LEPROTL1: variants seen among roughly 807,000 people sequenced by gnomAD.
The protein encoded by LEPROTL1 is leptin receptor overlapping transcript like 1.
Under a neutral mutation model 15.4 loss-of-function variants are expected in LEPROTL1, and 6 were observed. The observed-to-expected ratio is 0.39, with a 90% CI of 0.21 to 0.77. LEPROTL1 has a LOEUF of 0.77. LEPROTL1 is among the 30% of genes least tolerant of loss of function. LEPROTL1 has a pLI of 0.41. For missense variants in LEPROTL1, 128 were observed against 158.1 expected (o/e 0.81, Z 1.02); for synonymous variants, 56 against 52.6 (o/e 1.06, Z -0.28).
At chr8:30,123,950 G>A (rs917316022) in intron 3 of LEPROTL1, among the ~76,000 whole-genome samples, 1 of 150,720 alleles carries the variant, frequency 6.6e-6, no homozygotes, top group African/African-American at 2.4e-5. Context: ...AGAAGGACAA[G>A]CAATTTCAAA....
chr8:30,119,619 C>A (rs956160421), intron 3 of LEPROTL1, among the ~76,000 whole-genome samples: 1 of 152,158 alleles, frequency 6.6e-6, no homozygotes, highest in Non-Finnish European at 1.5e-5. Context: ...TTAATTACAT[C>A]TTTAAAGCCC....
chr8:30,137,259 T>G lies in LEPROTL1; in HGVS notation c.395-13T>G, dbSNP rs1324040663. On this transcript the variant is annotated splice_polypyrimidine_tract_variant and intron_variant, in intron 4 of 4. Coordinates refer to the LEPROTL1 transcript ENST00000442880. ...CTCTAGACTGTAATTAGCTCTTGAT[T>G]TCTGTTTTCTAGATGGGGCGCCTAC... 12 of 1,545,238 alleles carry G rather than the reference T, an allele frequency of 7.8e-6. No homozygotes were observed. In the African/African-American group the frequency reaches 1.6e-4, roughly 21 times the overall value.
In LEPROTL1 at chr8:30,131,082, C is replaced by T. The variant is rs992173509; in HGVS notation, c.280-1293C>T. Among the ~76,000 whole-genome samples the T allele has an allele frequency of 5.0e-4, 76 of 151,794 alleles. 3 individuals are homozygous for T. The highest frequency in any genetic ancestry group is 7.2e-4 in the Admixed American group (11 of 15,202). On this transcript the variant is annotated intron_variant, in intron 3 of 4. Transcript: ENST00000442880. ...GTGCTGGGATTACAGGTGTGAGCCACAACGCCCGGCCCAAAAAATTTTTTT... is the reference window on the plus strand; with the variant it reads ...GTGCTGGGATTACAGGTGTGAGCCATAACGCCCGGCCCAAAAAATTTTTTT...
chr8:30,116,240 A>T (rs1376455007), intron 3 of LEPROTL1, among the ~76,000 whole-genome samples: 1 of 144,216 alleles, frequency 6.9e-6, no homozygotes, highest in Non-Finnish European at 1.5e-5. Context: ...ACCCTGTCTT[A>T]AAAAAAAAAA....
chr8:30,108,984 C>T (rs1040536882), downstream of LEPROTL1, among the ~76,000 whole-genome samples: 3 of 152,090 alleles, frequency 2.0e-5, no homozygotes, highest in Admixed American at 1.3e-4. Context: ...ACGCTGGTCT[C>T]AAACTCCTGG....
At chr8:30,105,147 G>A (rs1406234527) in intron 3 of LEPROTL1, 1 of 152,398 alleles carries the variant, frequency 6.6e-6, no homozygotes, top group African/African-American at 2.4e-5. Context: ...GAAAAGCACT[G>A]AAGAGGGGAA....
intron 4 of LEPROTL1, among the ~76,000 whole-genome samples, chr8:30,135,994 G>T (rs975128070): frequency 6.6e-6 from 1 of 151,414 alleles, no homozygotes; most frequent in African/African-American, 2.4e-5. Flanking sequence ...GAAAACAACA[G>T]TCTTCTAACT....
At chr8:30,122,539 C>T (rs1802844986) in intron 3 of LEPROTL1, among the ~76,000 whole-genome samples, 1 of 152,130 alleles carries the variant, frequency 6.6e-6, no homozygotes, top group African/African-American at 2.4e-5. Context: ...GCCTGTAATC[C>T]CAACACTTTG....
At chr8:30,104,587 A>G (rs946519259) in intron 3 of LEPROTL1, 101 bp downstream of exon 3, 1 of 654,440 alleles carries the variant, frequency 1.5e-6, no homozygotes, top group Non-Finnish European at 2.5e-6. Flanking sequence ...GGTGAAAGAC[A>G]TAAGAGCCTA....
At chr8:30,133,310 C>T (rs1040311284) in intron 4 of LEPROTL1, among the ~76,000 whole-genome samples, 7 of 152,020 alleles carry the variant, frequency 4.6e-5, no homozygotes, top group African/African-American at 1.4e-4. Flanking sequence ...ATGAAATTAG[C>T]GTAAAAAATC....
chr8:30,095,634 T>C, intron 1 of LEPROTL1, 106 bp downstream of exon 1: 1 of 949,866 alleles, frequency 1.1e-6, no homozygotes, highest in South Asian at 2.5e-5. Flanking sequence ...CGCGCGCGCG[T>C]GGGGTCCCTG....
chr8:30,095,630 C>T (rs748708386), intron 1 of LEPROTL1, 102 bp downstream of exon 1: 1 of 999,144 alleles, frequency 1.0e-6, no homozygotes, highest in Non-Finnish European at 1.3e-6. Flanking sequence ...CTCGCGCGCG[C>T]GCGTGGGGTC....
downstream of LEPROTL1, chr8:30,138,233 C>A (rs764212364): frequency 4.0e-6 from 1 of 248,820 alleles, no homozygotes; most frequent in Non-Finnish European, 7.9e-6. Flanking sequence ...ACAGCCAGCT[C>A]TCTGTGAATT....
At chr8:30,104,051 A>G (rs1481938111) in intron 2 of LEPROTL1, among the ~76,000 whole-genome samples, 1 of 152,090 alleles carries the variant, frequency 6.6e-6, no homozygotes, top group African/African-American at 2.4e-5. Context: ...ATCTATTTTT[A>G]TTGTGATAAA....
In LEPROTL1 at chr8:30,095,524, CA is replaced by C; in HGVS notation, c.15del (p.Ala6LeufsTer2). On this transcript the variant is annotated frameshift_variant, in exon 1 of 4. Coordinates refer to ENST00000321250, the MANE Select transcript of LEPROTL1 (RefSeq NM_015344.3). LOFTEE classifies it high-confidence loss of function. MAGIKALISLSFGGA... is the reference protein window; with the variant it reads MAGIXALISLSFGGA... Reference sequence around the variant, plus strand: ...GCGACGTCACCGCCATGGCAGGCATCAAAGGTGGGCCTGGGTTGCAGGACGC... The same window carrying C: ...GCGACGTCACCGCCATGGCAGGCATCAAGGTGGGCCTGGGTTGCAGGACGC... 6.9e-7 allele frequency: 1 copy of C among 1,451,270 alleles called. No homozygotes were observed. 89.9% of individuals were successfully genotyped at this position (1,451,270 alleles called of 1,614,324 possible).
chr8:30,127,708 A>G (rs1449720329), intron 3 of LEPROTL1, among the ~76,000 whole-genome samples: 1 of 150,566 alleles, frequency 6.6e-6, no homozygotes, highest in Non-Finnish European at 1.5e-5. Flanking sequence ...ACACACACGT[A>G]TATGTATTCT....
intron 4 of LEPROTL1, among the ~76,000 whole-genome samples, chr8:30,134,158 C>T (rs1803088905): frequency 6.6e-6 from 1 of 152,066 alleles, no homozygotes; most frequent in Non-Finnish European, 1.5e-5. Flanking sequence ...GGTGTGGTGG[C>T]TCACGCCTGT....
chr8:30,137,548 G>A (rs1284875538), exon 5 of LEPROTL1: 2 of 1,337,252 alleles, frequency 1.5e-6, no homozygotes, highest in Admixed American at 2.1e-5. Context: ...GGCAACACGT[G>A]GCAGTGATGA....
chr8:30,131,595 G>T (rs1760502018), intron 3 of LEPROTL1, among the ~76,000 whole-genome samples: 1 of 152,136 alleles, frequency 6.6e-6, no homozygotes, highest in African/African-American at 2.4e-5. Flanking sequence ...GATCAGGTGG[G>T]TCAACTGAAC....
Sources: allele counts gnomAD v4.1 joint callset (sites outside exome capture counted in the v4.1 genomes callset), GRCh38; gene constraint gnomAD v4.1.1; transcripts MANE v1.5; gene names NCBI Gene and HGNC (gene_info 2026-07-23, HGNC 2026-07-21).